The following STK10 variants were observed in gnomAD, a reference collection of about 807,000 sequenced individuals.
STK10 encodes serine/threonine kinase 10.
Under a neutral mutation model 113.8 loss-of-function variants are expected in STK10, and 78 were observed. The ratio of observed to expected loss-of-function variants is 0.69; its 90% CI spans 0.57 to 0.83. The LOEUF is 0.83. Among genes scored for constraint, STK10 ranks in the 40% least tolerant of loss-of-function variants. The pLI is 0.00. For missense variants in STK10, 1,109 were observed against 1,280.1 expected (o/e 0.87, Z 2.04); for synonymous variants, 465 against 494.7 (o/e 0.94, Z 0.80).
In STK10 at chr5:172,187,405, G is replaced by A. The variant is rs1333931470; in HGVS notation, c.156+482C>T. Among the ~76,000 whole-genome samples the A allele has an allele frequency of 1.3e-5, 2 of 151,730 alleles. No individual in the cohort carries two copies. The highest frequency in any genetic ancestry group is 1.9e-4 in the East Asian group (1 of 5,154). On this transcript the variant is annotated intron_variant, in intron 1 of 18. Coordinates refer to ENST00000176763, the MANE Select transcript of STK10 (RefSeq NM_005990.4). This position sits in a 1 kb window ranked among gnomAD's most constrained non-coding sequence, Gnocchi z 4.6. Reference sequence around the variant, plus strand: ...CTTCCCTGTCTCTGGCTCATCTTCAGATGTGTCCCTAGCTCCCAACCCGTC... The same window carrying A: ...CTTCCCTGTCTCTGGCTCATCTTCAAATGTGTCCCTAGCTCCCAACCCGTC...
intron 4 of STK10, chr5:172,115,083 C>T (rs1769346593): frequency 6.6e-6 from 1 of 152,256 alleles, no homozygotes; most frequent in African/African-American, 2.4e-5. Flanking sequence ...CGAATCCTCC[C>T]TTCCTCTGAA....
At chr5:172,158,604 A>G (rs542305354) in intron 1 of STK10, among the ~76,000 whole-genome samples, 7 of 152,242 alleles carry the variant, frequency 4.6e-5, no homozygotes, top group African/African-American at 1.4e-4. Flanking sequence ...TCCAGCCTGG[A>G]TGACAGAGCA....
intron 10 of STK10, among the ~76,000 whole-genome samples, chr5:172,087,599 T>G (rs1217375844): frequency 7.0e-6 from 1 of 142,356 alleles, no homozygotes; most frequent in Middle Eastern, 3.4e-3. Flanking sequence ...TTACAATTTA[T>G]TTTTTAAATT....
intron 2 of STK10, among the ~76,000 whole-genome samples, chr5:172,143,237 A>G (rs956548717): frequency 2.0e-5 from 3 of 152,162 alleles, no homozygotes; most frequent in African/African-American, 7.2e-5. Context: ...GTGGTGGCAC[A>G]TGTCTATAAT....
intron 3 of STK10, among the ~76,000 whole-genome samples, chr5:172,123,376 C>A (rs550550458): frequency 1.3e-5 from 2 of 152,320 alleles, no homozygotes; most frequent in East Asian, 3.9e-4. Flanking sequence ...CTGGAGCAGT[C>A]AGGACCACGA....
chr5:172,182,394 C>CCAGGGTCT (rs1770873266), intron 1 of STK10, among the ~76,000 whole-genome samples: 1 of 151,258 alleles, frequency 6.6e-6, no homozygotes, highest in African/African-American at 2.4e-5. Context: ...TTGTTTTGAG[C>CCAGGGTCT]CAGGGTCTCA....
At chr5:172,072,916 T>C (rs903671033) in intron 12 of STK10, among the ~76,000 whole-genome samples, 16 of 152,244 alleles carry the variant, frequency 1.1e-4, no homozygotes, top group African/African-American at 3.9e-4. Context: ...TTTAACAAGA[T>C]TGCAGTACAA....
In STK10 at chr5:172,073,468, T is replaced by G. The variant is rs77187525; in HGVS notation, c.1990-8656A>C. On this transcript the variant is annotated intron_variant, in intron 12 of 18. Transcript: ENST00000176763. Reference sequence around the variant, plus strand: ...CACCCAACCTAATTTTTAATTTTTTTTTTGTTTGTTTTAGAGACAGGGTTT... The same window carrying G: ...CACCCAACCTAATTTTTAATTTTTTGTTTGTTTGTTTTAGAGACAGGGTTT... 9.2e-3 allele frequency among the ~76,000 whole-genome samples: 1,395 copies of G among 152,108 alleles called. 16 individuals carry two copies. Among genetic ancestry groups the G allele is most frequent in the African/African-American group, 0.028 (1,162 of 41,496 alleles).
At chr5:172,084,523 C>A (rs1322301326) in intron 10 of STK10, among the ~76,000 whole-genome samples, 1 of 151,964 alleles carries the variant, frequency 6.6e-6, no homozygotes, top group Non-Finnish European at 1.5e-5. Flanking sequence ...AGAAAAAGGA[C>A]AACAATGTCT....
In STK10 at chr5:172,082,827, C is replaced by A. The variant is rs1238178273; in HGVS notation, c.1809+134G>T. ...TTAACAAGTCACTGCCTAACAAGAT[C>A]GGGAAGCCCCCAGGAATTGGGCAAT... On this transcript the variant is annotated intron_variant, in intron 11 of 18. Transcript: ENST00000176763. This position sits in a 1 kb window ranked among gnomAD's most constrained non-coding sequence, Gnocchi z 4.3. The A allele has an allele frequency of 2.2e-6, 3 of 1,393,814 alleles. No individual in the cohort carries two copies. In the African/African-American group the frequency reaches 4.3e-5, roughly 20 times the overall value. 86.3% of individuals were successfully genotyped at this position (1,393,814 alleles called of 1,614,324 possible).
At chr5:172,072,430 C>T (rs542884359) in intron 12 of STK10, among the ~76,000 whole-genome samples, 5 of 152,228 alleles carry the variant, frequency 3.3e-5, no homozygotes, top group South Asian at 4.1e-4. Context: ...CCACGCCTGG[C>T]TAATTTTTTG....
At chr5:172,056,745 G>A (rs1372629818) in intron 15 of STK10, among the ~76,000 whole-genome samples, 5 of 151,248 alleles carry the variant, frequency 3.3e-5, no homozygotes, top group African/African-American at 1.2e-4. Flanking sequence ...ATGGTGGCAA[G>A]CACCTGTAAT....
chr5:172,079,724 T>G (rs936913902), intron 12 of STK10, among the ~76,000 whole-genome samples: 2 of 152,088 alleles, frequency 1.3e-5, no homozygotes, highest in Non-Finnish European at 2.9e-5. Flanking sequence ...CATGCCTGAC[T>G]AATTTTTTTG....
chr5:172,148,511 CAGCAA>C (rs770769216), intron 2 of STK10, among the ~76,000 whole-genome samples: 11 of 152,332 alleles, frequency 7.2e-5, no homozygotes, highest in Admixed American at 2.0e-4. Context: ...AGCGGGATCC[CAGCAA>C]AGCCCTCAGT....
chr5:172,107,065 C>A, intron 5 of STK10: 1 of 284,704 alleles, frequency 3.5e-6, no homozygotes, highest in South Asian at 3.5e-5. Flanking sequence ...CAACCCGGAA[C>A]ACAGAGTCCT....
chr5:172,138,225 A>C (rs1251278854), intron 2 of STK10, among the ~76,000 whole-genome samples: 1 of 152,092 alleles, frequency 6.6e-6, no homozygotes. Flanking sequence ...GGGTTCAAGC[A>C]ATTCTCCTGC....
chr5:172,061,318 C>T (rs367949498), intron 13 of STK10, 50 bp from the exon 14 acceptor site: 42 of 1,550,114 alleles, frequency 2.7e-5, no homozygotes, highest in African/African-American at 4.2e-5. Flanking sequence ...GCTTGGGCAC[C>T]TCCATGTCTC....
chr5:172,138,549 G>A (rs1169939602), intron 2 of STK10, among the ~76,000 whole-genome samples: 4 of 152,046 alleles, frequency 2.6e-5, no homozygotes, highest in Non-Finnish European at 2.9e-5. Context: ...AAAATCAACC[G>A]TGTTTCTACA....
At chr5:172,087,158 T>C (rs1376837024) in intron 10 of STK10, among the ~76,000 whole-genome samples, 4 of 118,188 alleles carry the variant, frequency 3.4e-5, no homozygotes, top group Non-Finnish European at 7.4e-5. Context: ...GTGTGTGGTG[T>C]ATGCAGATAC....
Sources: allele counts gnomAD v4.1 joint callset (sites outside exome capture counted in the v4.1 genomes callset), GRCh38; gene constraint gnomAD v4.1.1; non-coding constraint Gnocchi (gnomAD v3.1); transcripts MANE v1.5; gene names NCBI Gene and HGNC (gene_info 2026-07-23, HGNC 2026-07-21).